The following PRDM15 variants were observed in gnomAD, a reference collection of about 807,000 sequenced individuals.
The protein encoded by PRDM15 is PR domain zinc finger protein 15.
In PRDM15, 64 loss-of-function variants were observed where a neutral mutation model predicts 128.6. The ratio of observed to expected loss-of-function variants is 0.50; its 90% CI spans 0.41 to 0.61. PRDM15 has a LOEUF of 0.61. Among genes scored for constraint, PRDM15 ranks in the 20% least tolerant of loss-of-function variants. The pLI is 0.00. For missense variants in PRDM15, 1,242 were observed against 1,569.1 expected, an observed-to-expected ratio of 0.79 and a Z score of 3.52; for synonymous variants, 615 against 621.8, an observed-to-expected ratio of 0.99 and a Z score of 0.16.
intron 19 of PRDM15, chr21:41,812,524 G>A (rs2061897784): frequency 6.6e-6 from 1 of 152,156 alleles, no homozygotes; most frequent in South Asian, 2.1e-4. Flanking sequence ...GACAGTCTGT[G>A]GAACTTGAGA....
chr21:41,806,009 CCACCACCAT>C (rs2061562264), intron 21 of PRDM15, among the ~76,000 whole-genome samples: 4 of 55,650 alleles, frequency 7.2e-5, no homozygotes, highest in Admixed American at 1.8e-4. Flanking sequence ...ACCACCATCA[CCACCACCAT>C]CACCACCACC....
At position 41,799,104 on chromosome 21, in the gene PRDM15, T is replaced by G. The variant is rs1229449030; in HGVS notation, c.*2136A>C. On this transcript the variant is annotated 3_prime_UTR_variant, in exon 24 of 24. Transcript: ENST00000398548. The stretch of plus-strand genomic sequence containing the variant: ...TCTTACTCTAGGCACTAAAACAACT[T>G]CTTTAAAAAAATAAAATTGTGATTT... 6.6e-6 allele frequency: 1 copy of G among 152,170 alleles called. No homozygotes were observed. Among genetic ancestry groups the G allele is most frequent in the Non-Finnish European group, 1.5e-5 (1 of 68,032 alleles). The allele number at this position is 152,170 out of a possible 1,614,324, so 9.4% of individuals were successfully genotyped here.
rs987863520 is a variant in PRDM15, at chr21:41,860,985, T to C, written c.-9-613A>G. Among the ~76,000 whole-genome samples the C allele has an allele frequency of 3.3e-5, 5 of 152,196 alleles. No homozygotes were observed. In the East Asian group the frequency reaches 7.7e-4, roughly 23 times the overall value. On this transcript the variant is annotated intron_variant, in intron 1 of 23. Transcript: ENST00000398548. Reference sequence around the variant, plus strand: ...TTTTAAAACAAATATATCACCTTTTTTTGGTGACAGGGTCTTGCTCTGTCG... The same window carrying C: ...TTTTAAAACAAATATATCACCTTTTCTTGGTGACAGGGTCTTGCTCTGTCG...
At chr21:41,812,320 GA>G (rs1209086059) in intron 19 of PRDM15, 2 of 152,216 alleles carry the variant, frequency 1.3e-5, no homozygotes, top group African/African-American at 4.8e-5. Context: ...CAAAGTGCAT[GA>G]ACAAAATAAC....
In PRDM15 at chr21:41,859,052, C is replaced by G; in HGVS notation, c.131+540G>C. 6.4e-7 allele frequency: 1 copy of G among 1,565,722 alleles called. No homozygotes were observed. The highest frequency in any genetic ancestry group is 8.7e-7 in the Non-Finnish European group (1 of 1,155,446). On this transcript the variant is annotated intron_variant, in intron 3 of 23. Transcript: ENST00000398548. This position sits in a 1 kb window ranked among gnomAD's most constrained non-coding sequence, Gnocchi z 5.3. The stretch of plus-strand genomic sequence containing the variant: ...TCACCTGCCCTGGGCCACCAGGTGG[C>G]ACAGCCTCCCCCAGGTGAGGGTGGA...
At position 41,835,443 on chromosome 21, in the gene PRDM15, T is replaced by C; in HGVS notation, c.1360A>G (p.Arg454Gly). ...IESALEFHNC[R>G]TDDKTFQCEM... ...ACGTGACCGGCGCCCTCACCTGTCC[T>C]GCAGTTGTGGAACTCCAGCGCGCTC... Residue 454 changes from arginine to glycine, a missense_variant, in exon 11 of 24, where the codon AGG becomes GGG. Physicochemically the swap from Arg to Gly is moderately radical, Grantham distance 125. Transcript: ENST00000398548. 6.2e-7 allele frequency: 1 copy of C among 1,608,364 alleles called. No homozygotes were observed.
In PRDM15 at chr21:41,821,024, CCT is replaced by C. The variant is rs1601200019; in HGVS notation, c.2060+41_2060+42del. On this transcript the variant is annotated intron_variant, in intron 16 of 23. Coordinates refer to ENST00000398548, the MANE Select transcript of PRDM15 (RefSeq NM_001040424.3). The surrounding 1 kb of genome is among the most constrained non-coding windows in gnomAD (Gnocchi z 5.4). ...TGTCTCTTTGCAAGGAAGCATGTCC[CCT>C]CTCTCCTGACACAACCCGGGAGCCC... The C allele has an allele frequency of 3.7e-6, 6 of 1,612,608 alleles. No homozygotes were observed. The highest frequency in any genetic ancestry group is 4.2e-6 in the Non-Finnish European group (5 of 1,178,692).
rs755091671 is a variant in PRDM15 at position 41,854,702 on chromosome 21, G to A, written c.402C>T (p.Tyr134=). Residue 134 remains tyrosine (Y), a synonymous_variant, in exon 5 of 24, where the codon TAC becomes TAT. Transcript: ENST00000398548. This position sits in a 1 kb window ranked among gnomAD's most constrained non-coding sequence, Gnocchi z 4.6. ...AEAEHQNLTA[Y]QHGSDVYFTT... ...TGAAGTACACGTCGCTGCCGTGCTG[G>A]TAGGCCGTCAGGTTCTGGTGCTCGG... 6.2e-7 allele frequency: 1 copy of A among 1,613,524 alleles called. No individual in the cohort carries two copies. The highest frequency in any genetic ancestry group is 8.5e-7 in the Non-Finnish European group (1 of 1,179,974).
intron 21 of PRDM15, among the ~76,000 whole-genome samples, chr21:41,805,224 C>G (rs913091352): frequency 6.6e-6 from 1 of 152,230 alleles, no homozygotes; most frequent in Admixed American, 6.5e-5. Context: ...CGCCCACACC[C>G]TGCTTACAGC....
chr21:41,867,149 A>G, intron 1 of PRDM15: 1 of 362,876 alleles, frequency 2.8e-6, no homozygotes, highest in Non-Finnish European at 5.1e-6. Flanking sequence ...CAGAAACCTC[A>G]CTGACTATCT....
chr21:41,818,635 G>A (rs968189383), intron 18 of PRDM15, among the ~76,000 whole-genome samples: 2 of 152,076 alleles, frequency 1.3e-5, no homozygotes, highest in Admixed American at 6.6e-5. Flanking sequence ...GTTATTCTAC[G>A]GGTGCTCATA....
rs1370557599 is a variant in PRDM15 at position 41,874,516 on chromosome 21, TATA to T, written c.-10+4751_-10+4753del. Among the ~76,000 whole-genome samples, 382 of 68,828 alleles carry T rather than the reference TATA, an allele frequency of 5.6e-3. 3 individuals carry two copies. The highest frequency in any genetic ancestry group is 0.018 in the African/African-American group (363 of 20,042). 45.2% of individuals were successfully genotyped at this position (68,828 alleles called of 152,430 possible). Reference sequence around the variant, plus strand: ...TAAGCAGCATGCATATATATATATATATATATATATTTTTTTTTTTTTTTGAAA... The same window carrying T: ...TAAGCAGCATGCATATATATATATATTATATATTTTTTTTTTTTTTTGAAA... On this transcript the variant is annotated intron_variant, in intron 1 of 23. Coordinates refer to ENST00000398548, the MANE Select transcript of PRDM15 (RefSeq NM_001040424.3).
In PRDM15 at chr21:41,819,627, C is replaced by T; in HGVS notation, c.2215G>A (p.Val739Met). ...AGGTACTCGCGGACATTGTCGTGCACACGCATGTGCTCCTTCAGCATGTCC... is the reference window on the plus strand; with the variant it reads ...AGGTACTCGCGGACATTGTCGTGCATACGCATGTGCTCCTTCAGCATGTCC... ...RKDMLKEHMR[V>M]HDNVREYLCA... Residue 739 changes from valine to methionine, a missense_variant, in exon 18 of 24, where the codon GTG (valine) becomes ATG (methionine). By Grantham distance (21) the Val-to-Met change is conservative (BLOSUM62 1). This residue lies in a region of PRDM15 where 602 missense variants were observed against 788.3 expected (regional missense o/e 0.76). Transcript: ENST00000398548. 1 of 1,612,038 alleles carries T rather than the reference C, an allele frequency of 6.2e-7. No homozygotes were observed. The highest frequency in any genetic ancestry group is 8.5e-7 in the Non-Finnish European group (1 of 1,179,492).
Position 41,859,755 on chromosome 21 carries a change from T to C in PRDM15, c.38-70A>G. The stretch of plus-strand genomic sequence containing the variant: ...ACCTAAAGAACACAAACCTGGGAAA[T>C]GGGGACCCTGGCCCCATGAGGGTGA... On this transcript the variant is annotated intron_variant, in intron 2 of 23. Coordinates refer to ENST00000398548, the MANE Select transcript of PRDM15 (RefSeq NM_001040424.3). The surrounding 1 kb of genome is among the most constrained non-coding windows in gnomAD (Gnocchi z 5.3). The C allele has an allele frequency of 3.0e-6, 4 of 1,311,788 alleles. No homozygotes were observed. Among genetic ancestry groups the C allele is most frequent in the Non-Finnish European group, 4.3e-6 (4 of 923,712 alleles). 81.3% of individuals were successfully genotyped at this position (1,311,788 alleles called of 1,614,324 possible). A position where few individuals can be genotyped will look rare whatever the true frequency, so the allele number is the denominator to read the frequency against.
At chr21:41,865,555 T>C (rs1394220297) in intron 1 of PRDM15, among the ~76,000 whole-genome samples, 2 of 152,228 alleles carry the variant, frequency 1.3e-5, no homozygotes, top group East Asian at 3.9e-4. Flanking sequence ...GCACAGCCAC[T>C]TCCCCTCAGT....
At chr21:41,857,034 A>G in intron 4 of PRDM15, 142 bp downstream of exon 4, 2 of 721,424 alleles carry the variant, frequency 2.8e-6, no homozygotes, top group Non-Finnish European at 4.6e-6. Context: ...TTTCTTGGAA[A>G]TTAAGCAGAC....
intron 11 of PRDM15, among the ~76,000 whole-genome samples, chr21:41,830,411 TAC>T (rs1286075050): frequency 1.4e-5 from 2 of 146,578 alleles, no homozygotes; most frequent in Non-Finnish European, 3.0e-5. Flanking sequence ...CACACATAAA[TAC>T]ACAATCACAT....
chr21:41,828,359 A>G lies in PRDM15; in HGVS notation c.1367-26T>C. 2 of 1,612,352 alleles carry G rather than the reference A, an allele frequency of 1.2e-6. No individual in the cohort carries two copies. Among genetic ancestry groups the G allele is most frequent in the African/African-American group, 1.3e-5 (1 of 74,962 alleles). ...CTGTCCAGAGAGCAAACAAACACAC[A>G]ACGATTTTGAGGTAAATAACATCTC... On this transcript the variant is annotated intron_variant, in intron 11 of 23. Transcript: ENST00000398548. This position sits in a 1 kb window ranked among gnomAD's most constrained non-coding sequence, Gnocchi z 5.7.
intron 5 of PRDM15, among the ~76,000 whole-genome samples, chr21:41,853,777 A>G (rs1422095011): frequency 6.6e-6 from 1 of 152,150 alleles, no homozygotes; most frequent in Non-Finnish European, 1.5e-5. Flanking sequence ...ACACACACAC[A>G]GGTATGCACA....
Sources: allele counts gnomAD v4.1 joint callset (sites outside exome capture counted in the v4.1 genomes callset), GRCh38; gene constraint gnomAD v4.1.1; regional missense constraint gnomAD v4.1.1; non-coding constraint Gnocchi (gnomAD v3.1); transcripts MANE v1.5; gene names NCBI Gene and HGNC (gene_info 2026-07-23, HGNC 2026-07-21).